The following PCDH15 variants were observed in gnomAD, a reference collection of about 807,000 sequenced individuals.
PCDH15 encodes the protein protocadherin related 15, also known as protocadherin-15.
In PCDH15, 129 loss-of-function variants were observed where a neutral mutation model predicts 178.5. That is an observed-to-expected ratio of 0.72 (90% CI 0.63 to 0.84). PCDH15 has a LOEUF of 0.84. Ranked by LOEUF, PCDH15 falls within the 40% of genes least tolerant of loss-of-function variation. The probability of loss-of-function intolerance (pLI) is 0.00; values close to 1 mark genes in which losing one functional copy is unlikely to be tolerated. For synonymous variants in PCDH15, 800 were observed against 732.0 expected (o/e 1.09, Z -1.50); for missense variants, 2,230 against 2,099.9 (o/e 1.06, Z -1.21).
At chr10:55,477,107 C>A (rs1565178817) in intron 2 of PCDH15, among the ~76,000 whole-genome samples, 1 of 151,882 alleles carries the variant, frequency 6.6e-6, no homozygotes, top group South Asian at 2.1e-4. Context: ...AATAGGAAAT[C>A]AGACTTAGCT....
intron 2 of PCDH15, among the ~76,000 whole-genome samples, chr10:55,161,321 A>C (rs2132113552): frequency 6.6e-6 from 1 of 152,294 alleles, no homozygotes; most frequent in Admixed American, 6.5e-5. Flanking sequence ...TAAGTACAAA[A>C]TCTAAAACAG....
At chr10:54,724,337 A>G (rs1932602) in intron 1 of PCDH15, among the ~76,000 whole-genome samples, 18,475 of 151,632 alleles carry the variant, frequency 0.12, 1,253 homozygotes, top group African/African-American at 0.17. Context: ...AGGTACATAT[A>G]GATGCAAAGA....
At chr10:53,885,997 G>T (rs1017679749) in intron 26 of PCDH15, among the ~76,000 whole-genome samples, 1 of 152,146 alleles carries the variant, frequency 6.6e-6, no homozygotes, top group South Asian at 2.1e-4. Context: ...AAGAAAAATG[G>T]CTGTGTGTTC....
intron 2 of PCDH15, among the ~76,000 whole-genome samples, chr10:54,533,274 G>A (rs767508743): frequency 2.0e-5 from 3 of 151,868 alleles, no homozygotes; most frequent in South Asian, 2.1e-4. Context: ...AAGAACCTAC[G>A]GACAATATTA....
At chr10:54,681,219 G>C (rs1186526174) in intron 1 of PCDH15, among the ~76,000 whole-genome samples, 1 of 152,170 alleles carries the variant, frequency 6.6e-6, no homozygotes, top group Non-Finnish European at 1.5e-5. Flanking sequence ...TAGAAATCAA[G>C]AGTTTGGCTT....
intron 5 of PCDH15, among the ~76,000 whole-genome samples, chr10:54,358,924 C>G (rs1945516119): frequency 6.7e-6 from 1 of 148,870 alleles, no homozygotes; most frequent in Non-Finnish European, 1.5e-5. Flanking sequence ...AAAAACCAAA[C>G]ACCGCATATT....
chr10:54,259,810 G>A (rs2057180502), intron 8 of PCDH15, among the ~76,000 whole-genome samples: 2 of 152,114 alleles, frequency 1.3e-5, no homozygotes, highest in African/African-American at 4.8e-5. Context: ...TGTAGTCTAA[G>A]AGGCAATAAA....
At chr10:54,844,908 T>C (rs933742458) in intron 3 of PCDH15, among the ~76,000 whole-genome samples, 1 of 151,938 alleles carries the variant, frequency 6.6e-6, no homozygotes, top group African/African-American at 2.4e-5. Context: ...TTCAGAGCAA[T>C]TACTTTTATT....
At chr10:55,157,579 G>A (rs966132411) in intron 2 of PCDH15, among the ~76,000 whole-genome samples, 111 of 151,034 alleles carry the variant, frequency 7.3e-4, no homozygotes, top group African/African-American at 2.7e-3. Flanking sequence ...TGATAGACTG[G>A]ATTAAGAAAA....
At chr10:55,058,284 T>C (rs564279424) in intron 2 of PCDH15, among the ~76,000 whole-genome samples, 3 of 152,244 alleles carry the variant, frequency 2.0e-5, no homozygotes, top group African/African-American at 7.2e-5. Flanking sequence ...AATCACAACA[T>C]GCTCTAACCT....
intron 3 of PCDH15, among the ~76,000 whole-genome samples, chr10:54,478,526 C>G (rs1470916918): frequency 6.6e-6 from 1 of 152,018 alleles, no homozygotes; most frequent in East Asian, 1.9e-4. Context: ...CAAATCTTTA[C>G]AAGAAAAGGA....
intron 5 of PCDH15, among the ~76,000 whole-genome samples, chr10:54,365,965 TTATGA>T (rs1435466913): frequency 7.2e-5 from 11 of 152,108 alleles, no homozygotes; most frequent in African/African-American, 1.4e-4. Flanking sequence ...CTGATTGTGA[TTATGA>T]TATAATACCA....
intron 2 of PCDH15, among the ~76,000 whole-genome samples, chr10:55,608,216 G>C (rs1446949384): frequency 6.7e-6 from 1 of 150,046 alleles, no homozygotes; most frequent in Non-Finnish European, 1.5e-5. Context: ...AAACAATATA[G>C]ACACTCCAAA....
At chr10:54,385,627 G>A (rs1949827031) in intron 3 of PCDH15, among the ~76,000 whole-genome samples, 1 of 152,020 alleles carries the variant, frequency 6.6e-6, no homozygotes, top group African/African-American at 2.4e-5. Context: ...TTTTCTGATA[G>A]GCTTATCATT....
chr10:54,845,137 CTTTTTTT>C (rs573681693), intron 3 of PCDH15, among the ~76,000 whole-genome samples: 2 of 149,580 alleles, frequency 1.3e-5, no homozygotes, highest in Non-Finnish European at 3.0e-5. Flanking sequence ...TTTCTTTTTT[CTTTTTTT>C]TGCAATGTGC....
chr10:54,559,870 A>AAAAAAG (rs2087849664), intron 2 of PCDH15, among the ~76,000 whole-genome samples: 1 of 54,326 alleles, frequency 1.8e-5, no homozygotes. Flanking sequence ...AAAAAAAAAA[A>AAAAAAG]AAAAGAAAAG....
chr10:55,321,431 T>A (rs1843898167), upstream of PCDH15, among the ~76,000 whole-genome samples: 1 of 152,078 alleles, frequency 6.6e-6, no homozygotes, highest in Admixed American at 6.6e-5. Context: ...CTGAGAATAT[T>A]GTATATTGAA....
chr10:54,548,934 T>G (rs185346734), intron 2 of PCDH15, among the ~76,000 whole-genome samples: 1 of 147,460 alleles, frequency 6.8e-6, no homozygotes, highest in Non-Finnish European at 1.5e-5. Context: ...TCGCTATGTA[T>G]AGTTAATGTT....
At chr10:54,621,052 T>C (rs371230454) in intron 2 of PCDH15, among the ~76,000 whole-genome samples, 4 of 152,098 alleles carry the variant, frequency 2.6e-5, no homozygotes, top group East Asian at 3.9e-4. Flanking sequence ...TAAGGTACTG[T>C]GTAGGTGGAG....
Sources: gnomAD v4.1 joint callset for allele counts (sites outside exome capture counted in the v4.1 genomes callset) on GRCh38, gnomAD v4.1.1 for gene constraint, MANE v1.5 for transcripts, NCBI Gene and HGNC (gene_info 2026-07-23, HGNC 2026-07-21) for gene names.